Variants in PLCXD3 observed in about 807,000 individuals in gnomAD.
The protein encoded by PLCXD3 is phosphatidylinositol specific phospholipase C X domain containing 3.
Under a neutral mutation model 25.5 loss-of-function variants are expected in PLCXD3, and 19 were observed. The observed-to-expected ratio is 0.75, with a 90% CI of 0.52 to 1.09. PLCXD3 has a LOEUF of 1.09. PLCXD3 is among the 50% of genes least tolerant of loss of function. The pLI, the probability that PLCXD3 is intolerant of heterozygous loss-of-function variation, is 0.00. For missense variants in PLCXD3, 411 were observed against 388.1 expected, an observed-to-expected ratio of 1.06 and a Z score of -0.50; for synonymous variants, 174 against 137.6, an observed-to-expected ratio of 1.26 and a Z score of -1.85.
intron 1 of PLCXD3, among the ~76,000 whole-genome samples, chr5:41,401,353 C>T (rs538992436): frequency 2.9e-3 from 440 of 152,092 alleles, no homozygotes; most frequent in Non-Finnish European, 5.1e-3. Context: ...ATATCTGGGT[C>T]CACAAACCAT....
intron 1 of PLCXD3, among the ~76,000 whole-genome samples, chr5:41,499,161 A>T (rs894281017): frequency 2.6e-5 from 4 of 151,210 alleles, no homozygotes; most frequent in African/African-American, 9.7e-5. Context: ...CAGTTAGGTT[A>T]GAAAAAACAA....
chr5:41,401,388 A>G (rs1746181538), intron 1 of PLCXD3, among the ~76,000 whole-genome samples: 3 of 152,084 alleles, frequency 2.0e-5, no homozygotes, highest in Admixed American at 2.0e-4. Flanking sequence ...TATGGATGAC[A>G]CGATATAAGA....
At chr5:41,413,174 C>A (rs1323211961) in intron 1 of PLCXD3, among the ~76,000 whole-genome samples, 1 of 152,118 alleles carries the variant, frequency 6.6e-6, no homozygotes, top group African/African-American at 2.4e-5. Flanking sequence ...TGCCTACTTA[C>A]AAGTTACTTA....
chr5:41,477,035 C>T (rs975940787), intron 1 of PLCXD3, among the ~76,000 whole-genome samples: 1 of 152,138 alleles, frequency 6.6e-6, no homozygotes, highest in Non-Finnish European at 1.5e-5. Flanking sequence ...TATATTTATA[C>T]ATAAAATATG....
At chr5:41,408,670 C>T (rs943003782) in intron 1 of PLCXD3, among the ~76,000 whole-genome samples, 1 of 152,130 alleles carries the variant, frequency 6.6e-6, no homozygotes, top group Non-Finnish European at 1.5e-5. Context: ...ATAAGAAGAA[C>T]TCTGGAAGTC....
chr5:41,483,058 G>A (rs897682130), intron 1 of PLCXD3, among the ~76,000 whole-genome samples: 5 of 152,126 alleles, frequency 3.3e-5, no homozygotes, highest in African/African-American at 4.8e-5. Context: ...TTCACTTAGC[G>A]TAATATTCTC....
intron 1 of PLCXD3, among the ~76,000 whole-genome samples, chr5:41,428,024 C>T (rs1174443166): frequency 6.6e-6 from 1 of 152,130 alleles, no homozygotes; most frequent in Non-Finnish European, 1.5e-5. Flanking sequence ...GATCTCAGTT[C>T]CCATTTCCCA....
chr5:41,475,431 G>A (rs1748259120), intron 1 of PLCXD3, among the ~76,000 whole-genome samples: 1 of 152,134 alleles, frequency 6.6e-6, no homozygotes, highest in Non-Finnish European at 1.5e-5. Context: ...GTCTCTGCTA[G>A]TCTTTATCTA....
At chr5:41,427,143 A>G (rs546003867) in intron 1 of PLCXD3, among the ~76,000 whole-genome samples, 1 of 152,200 alleles carries the variant, frequency 6.6e-6, no homozygotes, top group African/African-American at 2.4e-5. Context: ...CAATATGACA[A>G]TTCATGTTTC....
At chr5:41,324,729 G>T (rs371476862) in intron 2 of PLCXD3, among the ~76,000 whole-genome samples, 1 of 152,198 alleles carries the variant, frequency 6.6e-6, no homozygotes, top group African/African-American at 2.4e-5. Context: ...AAGTGGCTCT[G>T]CTGTGCCTGT....
chr5:41,328,875 A>C (rs1743708758), intron 2 of PLCXD3, among the ~76,000 whole-genome samples: 1 of 152,302 alleles, frequency 6.6e-6, no homozygotes, highest in Admixed American at 6.5e-5. Flanking sequence ...GTAACCTGCA[A>C]TGTGCTGACC....
At chr5:41,351,957 A>G (rs1709003222) in intron 2 of PLCXD3, among the ~76,000 whole-genome samples, 1 of 152,206 alleles carries the variant, frequency 6.6e-6, no homozygotes, top group Admixed American at 6.5e-5. Context: ...AAATAATTGC[A>G]ATGTTCTGGC....
chr5:41,377,214 A>G (rs1580335301), intron 2 of PLCXD3, among the ~76,000 whole-genome samples: 2 of 152,222 alleles, frequency 1.3e-5, no homozygotes, highest in African/African-American at 4.8e-5. Context: ...ATAGGATGGC[A>G]ATAGTACCTC....
intron 1 of PLCXD3, among the ~76,000 whole-genome samples, chr5:41,418,915 T>C (rs1746753713): frequency 6.6e-6 from 1 of 152,216 alleles, no homozygotes; most frequent in South Asian, 2.1e-4. Flanking sequence ...AAAAGGCACC[T>C]TGTAAATGGA....
chr5:41,358,543 G>A (rs1260848821), intron 2 of PLCXD3, among the ~76,000 whole-genome samples: 2 of 152,168 alleles, frequency 1.3e-5, no homozygotes, highest in African/African-American at 4.8e-5. Flanking sequence ...TTATAAGTGA[G>A]AACATATGAT....
chr5:41,405,408 C>A (rs1488558082), intron 1 of PLCXD3, among the ~76,000 whole-genome samples: 1 of 152,112 alleles, frequency 6.6e-6, no homozygotes, highest in Non-Finnish European at 1.5e-5. Flanking sequence ...CTCCTGAATT[C>A]ACATTCATAT....
chr5:41,482,370 A>G (rs570801776), intron 1 of PLCXD3, among the ~76,000 whole-genome samples: 5 of 152,278 alleles, frequency 3.3e-5, no homozygotes, highest in Non-Finnish European at 4.4e-5. Flanking sequence ...CTTTGTAGTC[A>G]CGTGTCTGGG....
At chr5:41,370,188 T>C (rs2150488354) in intron 2 of PLCXD3, among the ~76,000 whole-genome samples, 1 of 152,316 alleles carries the variant, frequency 6.6e-6, no homozygotes, top group Admixed American at 6.5e-5. Flanking sequence ...GACAATCAAG[T>C]CTCTAGCCAT....
chr5:41,429,750 C>T (rs1006130062), intron 1 of PLCXD3, among the ~76,000 whole-genome samples: 3 of 151,864 alleles, frequency 2.0e-5, no homozygotes, highest in South Asian at 4.2e-4. Flanking sequence ...AAAGGAATGA[C>T]GAAGGTAGGA....
Sources: allele counts gnomAD v4.1 joint callset (sites outside exome capture counted in the v4.1 genomes callset), GRCh38; gene constraint gnomAD v4.1.1; transcripts MANE v1.5; gene names NCBI Gene and HGNC (gene_info 2026-07-23, HGNC 2026-07-21).